The following BTF3L4 variants were observed in gnomAD, a reference collection of about 807,000 sequenced individuals.
BTF3L4 encodes transcription factor BTF3 homolog 4.
BTF3L4 carries 6 observed loss-of-function variants against 16.8 expected under a neutral mutation model. The observed-to-expected ratio is 0.36, with a 90% CI of 0.20 to 0.71. The LOEUF is 0.71. Among genes scored for constraint, BTF3L4 ranks in the 30% least tolerant of loss-of-function variants. The probability of loss-of-function intolerance (pLI) is 0.58; values close to 1 mark genes in which losing one functional copy is unlikely to be tolerated. For missense variants in BTF3L4, 92 were observed against 186.9 expected, an observed-to-expected ratio of 0.49 and a Z score of 2.96; for synonymous variants, 39 against 59.8, an observed-to-expected ratio of 0.65 and a Z score of 1.60.
chr1:52,073,658 G>C (rs1379808385), intron 3 of BTF3L4, among the ~76,000 whole-genome samples: 1 of 114,844 alleles, frequency 8.7e-6, no homozygotes, highest in Non-Finnish European at 1.6e-5. Flanking sequence ...TTTGAGACCA[G>C]CCTAGGTAAC....
intron 1 of BTF3L4, among the ~76,000 whole-genome samples, chr1:52,057,744 C>T (rs896514974): frequency 6.6e-6 from 1 of 152,188 alleles, no homozygotes. Flanking sequence ...TTGTTCCTCC[C>T]CTACTGCCTT....
At chr1:52,064,409 G>T (rs181840768) in intron 2 of BTF3L4, among the ~76,000 whole-genome samples, 1 of 152,044 alleles carries the variant, frequency 6.6e-6, no homozygotes, top group African/African-American at 2.4e-5. Context: ...TTTCAGTTAT[G>T]TCCTAATTCC....
chr1:52,077,862 A>T (rs914674871), intron 3 of BTF3L4, among the ~76,000 whole-genome samples: 1 of 152,204 alleles, frequency 6.6e-6, no homozygotes. Flanking sequence ...GCCACCCAGC[A>T]GTTGCCAAAG....
chr1:52,089,903 A>G lies in BTF3L4; in HGVS notation c.*3145A>G, dbSNP rs1237146333. 2 of 152,204 alleles carry G rather than the reference A, an allele frequency of 1.3e-5. No individual in the cohort carries two copies. Among genetic ancestry groups the G allele is most frequent in the African/African-American group, 4.8e-5 (2 of 41,458 alleles). The allele number at this position is 152,204 out of a possible 1,614,324, so 9.4% of individuals were successfully genotyped here. ...ACTTTAATAAGCCTATGAAGTTCTTATGAAAAACCCATATCTGCGATATGT... is the reference window on the plus strand; with the variant it reads ...ACTTTAATAAGCCTATGAAGTTCTTGTGAAAAACCCATATCTGCGATATGT... On this transcript the variant is annotated 3_prime_UTR_variant, in exon 6 of 6. Coordinates refer to ENST00000313334, the MANE Select transcript of BTF3L4 (RefSeq NM_152265.5).
Position 52,083,516 on chromosome 1 carries a change from G to A in BTF3L4, c.345G>A (p.Lys115=), listed in dbSNP as rs1227948385. ...CTGACAGTTTAACAAGCCTTAGGAA[G>A]TTAGCTGAACAGTTCCCACGGCAAG... is the stretch of plus-strand genomic sequence containing the variant. ...LGADSLTSLR[K]LAEQFPRQVL... Residue 115 remains lysine (K), a synonymous_variant, in exon 4 of 6, where the codon AAG becomes AAA. Transcript: ENST00000313334. The A allele has an allele frequency of 1.2e-5, 19 of 1,613,334 alleles. No individual in the cohort carries two copies. Among genetic ancestry groups the A allele is most frequent in the Non-Finnish European group, 1.6e-5 (19 of 1,179,504 alleles).
chr1:52,065,059 A>G lies in BTF3L4; in HGVS notation c.168+121A>G, dbSNP rs1021451035. The G allele has an allele frequency of 1.0e-5, 5 of 485,500 alleles. No individual in the cohort carries two copies. In the Admixed American group the frequency reaches 2.1e-4, roughly 21 times the overall value. The allele number at this position is 485,500 out of a possible 1,614,324, so 30.1% of individuals were successfully genotyped here. On this transcript the variant is annotated intron_variant, in intron 3 of 5. Transcript: ENST00000313334. Reference sequence around the variant, plus strand: ...TGATATTGTCACTCTGATGTCTTTGAAGGACTGTGGCACTTTGATTTTTGT... The same window carrying G: ...TGATATTGTCACTCTGATGTCTTTGGAGGACTGTGGCACTTTGATTTTTGT...
chr1:52,084,795 A>G (rs1423845320), intron 4 of BTF3L4, among the ~76,000 whole-genome samples: 2 of 115,366 alleles, frequency 1.7e-5, no homozygotes, highest in Non-Finnish European at 3.1e-5. Context: ...CCCTGTCTCT[A>G]AAAAAAAAAA....
chr1:52,086,824 T>C lies in BTF3L4; in HGVS notation c.*66T>C. 1 of 1,022,654 alleles carries C rather than the reference T, an allele frequency of 9.8e-7. No homozygotes were observed. Among genetic ancestry groups the C allele is most frequent in the Non-Finnish European group, 1.5e-6 (1 of 683,016 alleles). The allele number at this position is 1,022,654 out of a possible 1,614,324, so 63.3% of individuals were successfully genotyped here. A position where few individuals can be genotyped will look rare whatever the true frequency, so the allele number is the denominator to read the frequency against. The stretch of plus-strand genomic sequence containing the variant: ...AATCAGCTATGTGGTTCCAAAGTTT[T>C]ACAGACATGGAGAACATCACCTGTT... On this transcript the variant is annotated 3_prime_UTR_variant, in exon 6 of 6. Coordinates refer to ENST00000313334, the MANE Select transcript of BTF3L4 (RefSeq NM_152265.5).
intron 2 of BTF3L4, among the ~76,000 whole-genome samples, chr1:52,060,102 C>G (rs1314887964): frequency 1.3e-5 from 2 of 152,176 alleles, no homozygotes; most frequent in Non-Finnish European, 2.9e-5. Flanking sequence ...GAAATAGCCA[C>G]ATTTGTTTGA....
chr1:52,060,639 A>T (rs1468069339), intron 2 of BTF3L4: 1 of 1,081,254 alleles, frequency 9.2e-7, no homozygotes, highest in African/African-American at 1.6e-5. Flanking sequence ...AAAGAATAGT[A>T]CTTACCTCAG....
At chr1:52,068,262 C>T (rs1307003270) in intron 3 of BTF3L4, among the ~76,000 whole-genome samples, 2 of 152,174 alleles carry the variant, frequency 1.3e-5, no homozygotes, top group Non-Finnish European at 2.9e-5. Flanking sequence ...TTGAAATCAT[C>T]ATAACAAAGT....
intron 3 of BTF3L4, among the ~76,000 whole-genome samples, chr1:52,074,300 C>T (rs1052876648): frequency 2.6e-5 from 4 of 151,770 alleles, no homozygotes; most frequent in Non-Finnish European, 4.4e-5. Flanking sequence ...CAGGTTCAAG[C>T]GATTCTCGTG....
At chr1:52,065,736 T>C (rs937082474) in intron 3 of BTF3L4, among the ~76,000 whole-genome samples, 1 of 152,102 alleles carries the variant, frequency 6.6e-6, no homozygotes, top group African/African-American at 2.4e-5. Flanking sequence ...GTTTCAAAAA[T>C]TGTTTAAAAT....
At chr1:52,084,419 C>T (rs938437171) in intron 4 of BTF3L4, among the ~76,000 whole-genome samples, 2 of 151,582 alleles carry the variant, frequency 1.3e-5, no homozygotes, top group African/African-American at 4.8e-5. Flanking sequence ...GCTAGGATTA[C>T]AGGCGTGAGC....
chr1:52,075,115 A>G (rs148282783), intron 3 of BTF3L4, among the ~76,000 whole-genome samples: 1 of 151,896 alleles, frequency 6.6e-6, no homozygotes, highest in Non-Finnish European at 1.5e-5. Flanking sequence ...CATTAAAAAA[A>G]CTCCTTTTAA....
intron 3 of BTF3L4, among the ~76,000 whole-genome samples, chr1:52,076,275 C>CA (rs1358199372): frequency 2.7e-5 from 4 of 149,404 alleles, no homozygotes; most frequent in African/African-American, 4.9e-5. Flanking sequence ...GACTCAGTCT[C>CA]AAAAAAAAGA....
intron 3 of BTF3L4, among the ~76,000 whole-genome samples, chr1:52,067,533 C>T (rs1474329202): frequency 6.6e-6 from 1 of 152,072 alleles, no homozygotes; most frequent in East Asian, 1.9e-4. Context: ...TTATTGAAAG[C>T]TTTTATATAT....
intron 2 of BTF3L4, chr1:52,060,794 C>A (rs1357099544): frequency 1.0e-5 from 2 of 200,712 alleles, no homozygotes; most frequent in Non-Finnish European, 1.9e-5. Context: ...CACAGTGATA[C>A]AGTTATATGA....
chr1:52,060,610 A>G lies in BTF3L4; in HGVS notation c.54+709A>G, dbSNP rs1686484463. Reference sequence around the variant, plus strand: ...TCTACCCATATCTCTGCCCAACACAATCTTTGCAAAAGTGAAAGAAAGAAT... The same window carrying G: ...TCTACCCATATCTCTGCCCAACACAGTCTTTGCAAAAGTGAAAGAAAGAAT... On this transcript the variant is annotated intron_variant, in intron 2 of 5. Transcript: ENST00000313334. The G allele has an allele frequency of 7.2e-6, 8 of 1,114,608 alleles. No individual in the cohort carries two copies. The South Asian group carries it at 1.6e-4, about 23-fold the overall frequency. 69.0% of individuals were successfully genotyped at this position (1,114,608 alleles called of 1,614,324 possible). A position where few individuals can be genotyped will look rare whatever the true frequency, so the allele number is the denominator to read the frequency against.
Sources: allele counts gnomAD v4.1 joint callset (sites outside exome capture counted in the v4.1 genomes callset), GRCh38; gene constraint gnomAD v4.1.1; transcripts MANE v1.5; gene names NCBI Gene and HGNC (gene_info 2026-07-23, HGNC 2026-07-21).